The following GRK5 variants were observed in gnomAD, a reference collection of about 807,000 sequenced individuals.
The protein encoded by GRK5 is g protein-coupled receptor kinase GRK5.
A neutral mutation model predicts 78.4 loss-of-function variants in GRK5; 40 were observed. That is an observed-to-expected ratio of 0.51 (90% CI 0.40 to 0.66). The LOEUF (loss-of-function observed/expected upper bound fraction) is 0.66. GRK5 is among the 30% of genes least tolerant of loss of function. The probability of loss-of-function intolerance (pLI) is 0.00; values close to 1 mark genes in which losing one functional copy is unlikely to be tolerated. For missense variants in GRK5, 598 were observed against 759.9 expected (o/e 0.79, Z 2.50); for synonymous variants, 289 against 296.8 (o/e 0.97, Z 0.27).
chr10:119,236,555 T>C (rs1848935225), intron 1 of GRK5, among the ~76,000 whole-genome samples: 1 of 152,220 alleles, frequency 6.6e-6, no homozygotes, highest in Non-Finnish European at 1.5e-5. Context: ...CACGTAACCT[T>C]TCTGATTTAA....
chr10:119,292,023 C>CTCCTTCTCCTCCTCCTCT (rs1849980369), intron 1 of GRK5, among the ~76,000 whole-genome samples: 1 of 123,872 alleles, frequency 8.1e-6, no homozygotes, highest in Admixed American at 8.1e-5. Flanking sequence ...CCTCCTCTTC[C>CTCCTTCTCCTCCTCCTCT]TCCTTCTTCT....
intron 4 of GRK5, among the ~76,000 whole-genome samples, chr10:119,405,717 G>A (rs540898987): frequency 2.0e-5 from 3 of 152,126 alleles, no homozygotes; most frequent in Non-Finnish European, 4.4e-5. Context: ...CATCCTTGGA[G>A]CCTCAGTTTC....
intron 2 of GRK5, among the ~76,000 whole-genome samples, chr10:119,346,863 G>A (rs1477550757): frequency 6.6e-6 from 1 of 152,210 alleles, no homozygotes; most frequent in African/African-American, 2.4e-5. Context: ...TCCCCTCTGA[G>A]GGCAGAGCTG....
rs532133981 is a variant in GRK5, at chr10:119,387,293, C to G, written c.261+6366C>G. On this transcript the variant is annotated intron_variant, in intron 3 of 15. Transcript: ENST00000392870. ...TGCTGGGATTACAGACGTGAGCCAC[C>G]GTGCCCGGCCTTCTGTGCAGTCTTA... Among the ~76,000 whole-genome samples, 12 of 152,278 alleles carry G rather than the reference C, an allele frequency of 7.9e-5. No homozygotes were observed. The South Asian group carries it at 2.5e-3, about 32-fold the overall frequency.
intron 1 of GRK5, among the ~76,000 whole-genome samples, chr10:119,325,734 C>T (rs941663816): frequency 6.6e-6 from 1 of 152,204 alleles, no homozygotes; most frequent in African/African-American, 2.4e-5. Flanking sequence ...TGCGCCTGTG[C>T]ACCCTGACAC....
chr10:119,393,337 C>G (rs1851917966), intron 3 of GRK5, among the ~76,000 whole-genome samples: 1 of 152,244 alleles, frequency 6.6e-6, no homozygotes, highest in South Asian at 2.1e-4. Flanking sequence ...GGCGGGGCCT[C>G]TGCCGGGAGG....
chr10:119,246,951 G>T (rs901561328), intron 1 of GRK5, among the ~76,000 whole-genome samples: 1 of 152,160 alleles, frequency 6.6e-6, no homozygotes, highest in Non-Finnish European at 1.5e-5. Context: ...AGAGGGCCTC[G>T]CTGAGAGCCT....
chr10:119,267,715 A>G lies in GRK5; in HGVS notation c.53-58801A>G, dbSNP rs1381898144. 1.3e-5 allele frequency among the ~76,000 whole-genome samples: 2 copies of G among 152,234 alleles called. No individual in the cohort carries two copies. The highest frequency in any genetic ancestry group is 1.3e-4 in the Admixed American group (2 of 15,288). ...CTCCAGGAAAGGCGGGAGGCAGCTT[A>G]GGTGACCTCTGCACGTGTTTTCAAA... is the stretch of plus-strand genomic sequence containing the variant. On this transcript the variant is annotated intron_variant, in intron 1 of 15. Coordinates refer to ENST00000392870, the MANE Select transcript of GRK5 (RefSeq NM_005308.3). This position sits in a 1 kb window ranked among gnomAD's most constrained non-coding sequence, Gnocchi z 4.1.
chr10:119,279,022 C>T lies in GRK5; in HGVS notation c.53-47494C>T, dbSNP rs11819713. 9.7e-3 allele frequency among the ~76,000 whole-genome samples: 1,483 copies of T among 152,290 alleles called. 17 individuals carry two copies. The highest frequency in any genetic ancestry group is 0.033 in the African/African-American group (1,384 of 41,560). ...TCTCCCGAGTAGCTGGGATTACAGG[C>T]GTGTGCCACCATGCCAAGCTAATTT... On this transcript the variant is annotated intron_variant, in intron 1 of 15. Transcript: ENST00000392870.
At chr10:119,236,683 A>G (rs1848939128) in intron 1 of GRK5, among the ~76,000 whole-genome samples, 1 of 152,130 alleles carries the variant, frequency 6.6e-6, no homozygotes, top group Non-Finnish European at 1.5e-5. Context: ...TCTGTTGCTC[A>G]GGCTGGAGTA....
intron 1 of GRK5, among the ~76,000 whole-genome samples, chr10:119,322,109 A>C (rs1486359129): frequency 6.6e-6 from 1 of 152,100 alleles, no homozygotes; most frequent in Non-Finnish European, 1.5e-5. Context: ...CACCACGCCC[A>C]GCTACTTATT....
At chr10:119,446,943 G>A (rs1050670678) in intron 12 of GRK5, among the ~76,000 whole-genome samples, 2 of 152,270 alleles carry the variant, frequency 1.3e-5, no homozygotes, top group Non-Finnish European at 2.9e-5. Context: ...ATTGGGAAAA[G>A]ACAAGGCTGG....
At chr10:119,346,442 G>C (rs1200863609) in intron 2 of GRK5, among the ~76,000 whole-genome samples, 2 of 152,186 alleles carry the variant, frequency 1.3e-5, no homozygotes, top group East Asian at 3.9e-4. Context: ...TCATTTACTG[G>C]GTCAGGAAAG....
At chr10:119,220,472 T>C (rs1848639631) in intron 1 of GRK5, among the ~76,000 whole-genome samples, 1 of 152,190 alleles carries the variant, frequency 6.6e-6, no homozygotes, top group African/African-American at 2.4e-5. Context: ...AGTTTATGCT[T>C]CAGTGGCTAG....
Position 119,378,489 on chromosome 10 carries a change from C to CA in GRK5, c.149-2319dup, listed in dbSNP as rs953352416. Among the ~76,000 whole-genome samples, 1 of 152,142 alleles carries CA rather than the reference C, an allele frequency of 6.6e-6. No homozygotes were observed. The highest frequency in any genetic ancestry group is 1.5e-5 in the Non-Finnish European group (1 of 68,012). ...CTACTTAGACCGGGCGAATTCCTCC[C>CA]AAAAAAACCTTGCCCTCAGGTAGGT... On this transcript the variant is annotated intron_variant, in intron 2 of 15. Transcript: ENST00000392870. This position sits in a 1 kb window ranked among gnomAD's most constrained non-coding sequence, Gnocchi z 4.5.
At chr10:119,439,798 T>C (rs1109490) in intron 10 of GRK5, 30 bp downstream of exon 10, 745,874 of 1,606,756 alleles carry the variant, frequency 0.46, 178,546 homozygotes, top group Admixed American at 0.49. Flanking sequence ...GTAGCTGAGG[T>C]GAGCATTGCA....
chr10:119,380,797 T>G lies in GRK5; in HGVS notation c.149-18T>G. On this transcript the variant is annotated intron_variant, in intron 2 of 15. Coordinates refer to ENST00000392870, the MANE Select transcript of GRK5 (RefSeq NM_005308.3). ...CCTTCTCCTGGGTCTCATCACATTC[T>G]TCTTTTCTTGTCTCCAGACAGAGAT... 7 of 1,534,868 alleles carry G rather than the reference T, an allele frequency of 4.6e-6. No homozygotes were observed. The highest frequency in any genetic ancestry group is 4.5e-6 in the Non-Finnish European group (5 of 1,109,296).
Position 119,457,133 on chromosome 10 carries a change from G to A in GRK5, c.*2066G>A, listed in dbSNP as rs1302122059. 1 of 152,108 alleles carries A rather than the reference G, an allele frequency of 6.6e-6. No homozygotes were observed. Among genetic ancestry groups the A allele is most frequent in the East Asian group, 1.9e-4 (1 of 5,198 alleles). The allele number at this position is 152,108 out of a possible 1,614,324, so 9.4% of individuals were successfully genotyped here. ...TTGAATGGTATCTTAAGATCCTTAA[G>A]CTCTTGCTGAACTTCCTTTTTCAAT... On this transcript the variant is annotated 3_prime_UTR_variant, in exon 16 of 16. Coordinates refer to ENST00000392870, the MANE Select transcript of GRK5 (RefSeq NM_005308.3).
chr10:119,305,510 A>T (rs1463639615), intron 1 of GRK5, among the ~76,000 whole-genome samples: 5 of 152,174 alleles, frequency 3.3e-5, no homozygotes, highest in African/African-American at 1.2e-4. Context: ...TTGCTGACAA[A>T]TTTTGATAGC....
Sources: allele counts gnomAD v4.1 joint callset (sites outside exome capture counted in the v4.1 genomes callset), GRCh38; gene constraint gnomAD v4.1.1; non-coding constraint Gnocchi (gnomAD v3.1); transcripts MANE v1.5; gene names NCBI Gene and HGNC (gene_info 2026-07-23, HGNC 2026-07-21).